The following CENPF variants were observed in gnomAD, a reference collection of about 807,000 sequenced individuals.
The protein encoded by CENPF is AH antigen.
Under a neutral mutation model 307.3 loss-of-function variants are expected in CENPF, and 214 were observed. The ratio of observed to expected loss-of-function variants is 0.70; its 90% CI spans 0.62 to 0.78. The LOEUF is 0.78. Among genes scored for constraint, CENPF ranks in the 30% least tolerant of loss-of-function variants. The probability of loss-of-function intolerance (pLI) is 0.00; values close to 1 mark genes in which losing one functional copy is unlikely to be tolerated. For missense variants in CENPF, 3,401 were observed against 3,483.9 expected (o/e 0.98, Z 0.60); for synonymous variants, 1,259 against 1,270.6 (o/e 0.99, Z 0.19).
At chr1:214,622,868 A>C (rs145115553) in intron 7 of CENPF, among the ~76,000 whole-genome samples, 6 of 144,436 alleles carry the variant, frequency 4.2e-5, no homozygotes, top group Non-Finnish European at 7.4e-5. Flanking sequence ...TGTACCCATG[A>C]GTTCTGCATT....
intron 15 of CENPF, among the ~76,000 whole-genome samples, chr1:214,652,341 A>AT (rs200801895): frequency 0.016 from 2,373 of 149,038 alleles, 58 homozygotes; most frequent in Non-Finnish European, 0.017. Context: ...GGCCCGGTTG[A>AT]TTTTTTAAAA....
chr1:214,657,462 A>G (rs1404659271), intron 18 of CENPF, 53 bp downstream of exon 18: 15 of 1,303,858 alleles, frequency 1.2e-5, no homozygotes, highest in Middle Eastern at 3.8e-4. Context: ...ATTCCATATA[A>G]TGGTTCACAT....
At chr1:214,657,801 C>T (rs1301483312) in intron 18 of CENPF, among the ~76,000 whole-genome samples, 1 of 152,208 alleles carries the variant, frequency 6.6e-6, no homozygotes, top group Non-Finnish European at 1.5e-5. Context: ...ACTGACTACA[C>T]TTTGTTTTGT....
At chr1:214,632,029 G>C (rs1198365661) in intron 9 of CENPF, among the ~76,000 whole-genome samples, 1 of 152,088 alleles carries the variant, frequency 6.6e-6, no homozygotes, top group Non-Finnish European at 1.5e-5. Flanking sequence ...ATAGCCATTT[G>C]TATTTTTTGT....
chr1:214,632,753 G>A, intron 10 of CENPF, 151 bp downstream of exon 10: 2 of 860,768 alleles, frequency 2.3e-6, no homozygotes, highest in Admixed American at 3.1e-5. Context: ...AGAATTTTCT[G>A]TATATAACCC....
Position 214,657,092 on chromosome 1 carries a change from A to C in CENPF, c.8645A>C (p.Glu2882Ala). The change falls in exon 18 of 20, where the codon GAG (glutamate) becomes GCG (alanine). Residue 2882 changes from glutamate to alanine, a missense_variant. Coordinates refer to ENST00000366955, the MANE Select transcript of CENPF (RefSeq NM_016343.4). ...EKLEKAKEML[E>A]TQVAHLCSQQ... ...TTAGAGAAAGCTAAAGAGATGTTAG[A>C]GACACAAGTGGCCCATCTGTGTTCA... The C allele has an allele frequency of 6.2e-7, 1 of 1,614,224 alleles. No individual in the cohort carries two copies. The highest frequency in any genetic ancestry group is 8.5e-7 in the Non-Finnish European group (1 of 1,180,018).
rs760440665 is a variant in CENPF, at chr1:214,657,020, A to G, written c.8573A>G (p.Asp2858Gly). Residue 2858 changes from aspartate (D) to glycine (G), a missense_variant, in exon 18 of 20, where the codon GAT (aspartate) becomes GGT (glycine). Asp to Gly is a moderately conservative substitution (Grantham distance 94). Coordinates refer to ENST00000366955, the MANE Select transcript of CENPF (RefSeq NM_016343.4). ...CTTGAAGAAAAAACCAAGGAGGCAG[A>G]TGAATACTTGGATAAGTACTGTTCC... ...ETLEEKTKEA[D>G]EYLDKYCSLL... 1.2e-6 allele frequency: 2 copies of G among 1,614,050 alleles called. No homozygotes were observed. Among genetic ancestry groups the G allele is most frequent in the African/African-American group, 1.3e-5 (1 of 75,056 alleles).
Position 214,643,008 on chromosome 1 carries a change from A to C in CENPF, c.4670A>C (p.Glu1557Ala). 1.2e-6 allele frequency: 2 copies of C among 1,609,576 alleles called. No homozygotes were observed. The highest frequency in any genetic ancestry group is 2.7e-5 in the African/African-American group (2 of 74,314). The change falls in exon 12 of 20, where the codon GAG (glutamate) becomes GCG (alanine). Residue 1557 changes from glutamate to alanine, a missense_variant. Transcript: ENST00000366955. ...KGVEELESLC[E>A]VYRQSLEKLE... is the part of the protein sequence containing the mutation. ...GTTGAAGAGCTTGAGTCCCTCTGTG[A>C]GGTGTACCGGCAGTCCCTCGAGAAG... is the stretch of plus-strand genomic sequence containing the variant.
In CENPF at chr1:214,620,645, G is replaced by A; in HGVS notation, c.574-10G>A. On this transcript the variant is annotated splice_polypyrimidine_tract_variant and intron_variant, in intron 5 of 19. Coordinates refer to ENST00000366955, the MANE Select transcript of CENPF (RefSeq NM_016343.4). ...CTTTAAAGGCCTCTAAAGAGATTCTGTTTCTACAGAAAGCAAGCCAGACTC... is the reference window on the plus strand; with the variant it reads ...CTTTAAAGGCCTCTAAAGAGATTCTATTTCTACAGAAAGCAAGCCAGACTC... 6.2e-7 allele frequency: 1 copy of A among 1,603,222 alleles called. No individual in the cohort carries two copies. Among genetic ancestry groups the A allele is most frequent in the South Asian group, 1.1e-5 (1 of 88,938 alleles).
At chr1:214,612,803 G>A (rs1324226427) in intron 1 of CENPF, among the ~76,000 whole-genome samples, 2 of 152,166 alleles carry the variant, frequency 1.3e-5, no homozygotes, top group East Asian at 3.8e-4. Flanking sequence ...ATAATTTACA[G>A]TATCTTAAGA....
At chr1:214,653,059 G>C in intron 16 of CENPF, 70 bp downstream of exon 16, 4 of 1,340,098 alleles carry the variant, frequency 3.0e-6, no homozygotes, top group Non-Finnish European at 3.2e-6. Flanking sequence ...TAATGGTATA[G>C]CATTAAACGT....
At chr1:214,656,813 C>T in intron 17 of CENPF, 120 bp from the exon 18 acceptor site, 1 of 659,694 alleles carries the variant, frequency 1.5e-6, no homozygotes, top group Non-Finnish European at 2.5e-6. Flanking sequence ...ATATATCTCC[C>T]CAACCTCTTA....
chr1:214,622,026 A>G (rs1419785478), intron 6 of CENPF, 53 bp from the exon 7 acceptor site: 8 of 1,390,244 alleles, frequency 5.8e-6, no homozygotes, highest in African/African-American at 1.5e-5. Flanking sequence ...AGTTATGAAC[A>G]TTTTGGGAAA....
rs1438800650 is a variant in CENPF at position 214,664,483 on chromosome 1, C to T, written c.*689C>T. On this transcript the variant is annotated 3_prime_UTR_variant, in exon 20 of 20. Coordinates refer to ENST00000366955, the MANE Select transcript of CENPF (RefSeq NM_016343.4). ...TTTCTGTTTTTAGACCAATTTTTTA[C>T]AGTTCTTTGGTAAGCATTGTCGTAT... 1 of 152,120 alleles carries T rather than the reference C, an allele frequency of 6.6e-6. No homozygotes were observed. 9.4% of individuals were successfully genotyped at this position (152,120 alleles called of 1,614,324 possible).
intron 11 of CENPF, among the ~76,000 whole-genome samples, chr1:214,638,692 T>G (rs1006082236): frequency 6.6e-6 from 1 of 152,112 alleles, no homozygotes; most frequent in African/African-American, 2.4e-5. Flanking sequence ...TGGTGGCGGG[T>G]GCCTGTAGTC....
intron 14 of CENPF, among the ~76,000 whole-genome samples, chr1:214,651,347 A>G (rs1658456279): frequency 6.6e-6 from 1 of 152,154 alleles, no homozygotes; most frequent in South Asian, 2.1e-4. Context: ...TGGTGTGAAG[A>G]TGGTAGTGGT....
Position 214,645,561 on chromosome 1 carries a change from G to GT in CENPF, c.5992dup (p.Cys1998LeufsTer25). 6.2e-7 allele frequency: 1 copy of GT among 1,614,170 alleles called. No homozygotes were observed. The highest frequency in any genetic ancestry group is 8.5e-7 in the Non-Finnish European group (1 of 1,180,034). On this transcript the variant is annotated frameshift_variant, in exon 13 of 20. Transcript: ENST00000366955. LOFTEE classifies it high-confidence loss of function. The stretch of plus-strand genomic sequence containing the variant: ...AAGAGCTTGAGTCTCATCAAAGTGA[G>GT]TGTCTCCATTGCATTCAGGTGGCAG...
intron 19 of CENPF, 147 bp from the exon 20 acceptor site, chr1:214,663,444 G>T (rs887052123): frequency 1.5e-5 from 12 of 815,244 alleles, no homozygotes; most frequent in Non-Finnish European, 2.3e-5. Flanking sequence ...GATGGGGCCT[G>T]TTCTCAAGGA....
In CENPF at chr1:214,647,068, C is replaced by T; in HGVS notation, c.7498C>T (p.Gln2500Ter). 1 of 1,613,980 alleles carries T rather than the reference C, an allele frequency of 6.2e-7. No homozygotes were observed. Among genetic ancestry groups the T allele is most frequent in the South Asian group, 1.1e-5 (1 of 91,068 alleles). The change falls in exon 13 of 20, where the codon CAA becomes TAA. Residue 2500 changes from glutamine to a stop codon, truncating the protein, a stop_gained. Coordinates refer to ENST00000366955, the MANE Select transcript of CENPF (RefSeq NM_016343.4). LOFTEE classifies it high-confidence loss of function. The part of the protein sequence containing the change: ...DEAKNNYIVL[Q>*]SSVNGLIQEV... Reference sequence around the variant, plus strand: ...GGCCAAAAATAATTATATTGTTTTGCAATCTTCAGTGAATGGCCTCATTCA... The same window carrying T: ...GGCCAAAAATAATTATATTGTTTTGTAATCTTCAGTGAATGGCCTCATTCA...
Sources: allele counts gnomAD v4.1 joint callset (sites outside exome capture counted in the v4.1 genomes callset), GRCh38; gene constraint gnomAD v4.1.1; transcripts MANE v1.5; gene names NCBI Gene and HGNC (gene_info 2026-07-23, HGNC 2026-07-21).